CCDC122: variants seen among roughly 807,000 people sequenced by gnomAD.
CCDC122 encodes the protein coiled-coil domain-containing protein 122.
Under a neutral mutation model 37.0 loss-of-function variants are expected in CCDC122, and 38 were observed. The ratio of observed to expected loss-of-function variants is 1.03; its 90% CI spans 0.79 to 1.35. The LOEUF (loss-of-function observed/expected upper bound fraction) is 1.35, where lower values mean the gene tolerates loss of function less well. CCDC122 is among the 40% of genes most tolerant of loss of function. The pLI, the probability that CCDC122 is intolerant of heterozygous loss-of-function variation, is 0.00. For synonymous variants in CCDC122, 83 were observed against 95.6 expected (o/e 0.87, Z 0.77); for missense variants, 305 against 310.0 (o/e 0.98, Z 0.12).
chr13:43,863,907 G>A (rs916406453), intron 4 of CCDC122, among the ~76,000 whole-genome samples: 1 of 152,024 alleles, frequency 6.6e-6, no homozygotes, highest in Non-Finnish European at 1.5e-5. Context: ...TCATATTAAA[G>A]AAATCATTGC....
At chr13:43,834,861 G>A (rs1566938425), downstream of CCDC122, among the ~76,000 whole-genome samples, 2 of 151,948 alleles carry the variant, frequency 1.3e-5, no homozygotes, top group Non-Finnish European at 2.9e-5. Flanking sequence ...CACTGTTGGT[G>A]GGACTGTAAA....
intron 6 of CCDC122, among the ~76,000 whole-genome samples, chr13:43,841,696 G>C (rs1226920618): frequency 6.6e-6 from 1 of 152,044 alleles, no homozygotes; most frequent in Non-Finnish European, 1.5e-5. Flanking sequence ...TTGTGATTCT[G>C]TCTTTTCATT....
rs559982743 is a variant in CCDC122, at chr13:43,829,790, TAATA to T, written n.602-5783_602-5780del. Among the ~76,000 whole-genome samples, 405 of 152,370 alleles carry T rather than the reference TAATA, an allele frequency of 2.7e-3. 1 individual carries two copies. Among genetic ancestry groups the T allele is most frequent in the Admixed American group, 4.2e-3 (64 of 15,304 alleles). ...TTTTGGTCTGGTTGCATGAGACTTC[TAATA>T]AATCTGCCTAAAAAATTGTGTGACC... On this transcript the variant is annotated intron_variant and non_coding_transcript_variant, in intron 3 of 3. Coordinates refer to the CCDC122 transcript ENST00000470137.
intron 6 of CCDC122, among the ~76,000 whole-genome samples, chr13:43,838,724 C>T (rs188610480): frequency 3.0e-4 from 45 of 152,254 alleles, no homozygotes; most frequent in Non-Finnish European, 5.9e-4. Flanking sequence ...CAAGAGTTAG[C>T]TGGCTGGCTT....
chr13:43,835,771 T>A (rs1192176797), downstream of CCDC122, among the ~76,000 whole-genome samples: 1 of 152,244 alleles, frequency 6.6e-6, no homozygotes, highest in African/African-American at 2.4e-5. Context: ...ATATAATAAC[T>A]TTTTAATATG....
intron 3 of CCDC122, among the ~76,000 whole-genome samples, chr13:43,828,364 A>G (rs1052305781): frequency 1.3e-5 from 2 of 152,186 alleles, no homozygotes; most frequent in East Asian, 3.8e-4. Flanking sequence ...AGCCTAATGA[A>G]TGAGAATATC....
At chr13:43,843,877 A>G (rs190923607) in intron 6 of CCDC122, among the ~76,000 whole-genome samples, 3 of 151,772 alleles carry the variant, frequency 2.0e-5, no homozygotes, top group Admixed American at 6.6e-5. Flanking sequence ...AAAGTTATTC[A>G]TAATAGGCCT....
In CCDC122 at chr13:43,868,459, A is replaced by T. The variant is rs74336252; in HGVS notation, c.156+235T>A. ...GTAAAATAATTCTATCTAACATGTT[A>T]GGTTTTATATGCTTATCCTACAGTT... On this transcript the variant is annotated intron_variant, in intron 4 of 6. Coordinates refer to ENST00000444614, the MANE Select transcript of CCDC122 (RefSeq NM_144974.5). 2.8e-4 allele frequency among the ~76,000 whole-genome samples: 43 copies of T among 152,224 alleles called. No homozygotes were observed. The East Asian group carries it at 8.3e-3, about 29-fold the overall frequency.
intron 6 of CCDC122, among the ~76,000 whole-genome samples, chr13:43,846,945 A>C (rs1953558958): frequency 6.6e-6 from 1 of 152,246 alleles, no homozygotes; most frequent in South Asian, 2.1e-4. Context: ...ACTGAGAGAA[A>C]GTATTACGTA....
rs9567280 is a variant in CCDC122 at position 43,837,296 on chromosome 13, A to G, written c.806T>C (p.Ile269Thr). ...ATGGCAATGTTACTCTTGCATTCCAATGCATTTTCTTAATTCGGCTGCAGT... is the reference window on the plus strand; with the variant it reads ...ATGGCAATGTTACTCTTGCATTCCAGTGCATTTTCTTAATTCGGCTGCAGT... ...EKTAAELRKC[I>T]GMQE Residue 269 changes from isoleucine (I) to threonine (T), a missense_variant, in exon 7 of 7, where the codon ATT (isoleucine) becomes ACT (threonine). Physicochemically the swap from Ile to Thr is moderately conservative, Grantham distance 89. Coordinates refer to ENST00000444614, the MANE Select transcript of CCDC122 (RefSeq NM_144974.5). The G allele has an allele frequency of 0.045, 72,195 of 1,613,794 alleles. 2,057 individuals are homozygous for G. The highest frequency in any genetic ancestry group is 0.089 in the East Asian group (3,976 of 44,842).
At chr13:43,848,414 AAC>A (rs1953615934) in intron 6 of CCDC122, among the ~76,000 whole-genome samples, 1 of 152,046 alleles carries the variant, frequency 6.6e-6, no homozygotes, top group African/African-American at 2.4e-5. Flanking sequence ...ATTTGGAAAT[AAC>A]ACTTTTTTTT....
chr13:43,858,739 A>AT, intron 6 of CCDC122, 42 bp downstream of exon 6: 2 of 1,290,418 alleles, frequency 1.5e-6, no homozygotes, highest in Non-Finnish European at 2.1e-6. Flanking sequence ...AGTTTTAAAA[A>AT]TGGTCCCATA....
intron 1 of CCDC122, among the ~76,000 whole-genome samples, chr13:43,876,568 A>G (rs1010090690): frequency 5.9e-5 from 9 of 152,304 alleles, no homozygotes; most frequent in African/African-American, 2.2e-4. Context: ...ATAAGTGACT[A>G]ATTCCCATAT....
downstream of CCDC122, among the ~76,000 whole-genome samples, chr13:43,832,424 A>T (rs1421027107): frequency 6.6e-6 from 1 of 152,176 alleles, no homozygotes; most frequent in Admixed American, 6.5e-5. Context: ...TAAACAGTGA[A>T]TTCCATGTTC....
At chr13:43,830,178 G>A (rs979829477) in intron 3 of CCDC122, among the ~76,000 whole-genome samples, 1 of 151,970 alleles carries the variant, frequency 6.6e-6, no homozygotes, top group African/African-American at 2.4e-5. Flanking sequence ...GCCCAACCTG[G>A]CTTGCTTTTC....
intron 6 of CCDC122, among the ~76,000 whole-genome samples, chr13:43,844,503 G>A (rs1435301053): frequency 6.6e-6 from 1 of 151,756 alleles, no homozygotes; most frequent in Non-Finnish European, 1.5e-5. Flanking sequence ...ATGTTAATTA[G>A]GTTAAGTTGA....
intron 6 of CCDC122, among the ~76,000 whole-genome samples, chr13:43,843,319 C>G (rs949428696): frequency 1.3e-5 from 2 of 151,912 alleles, no homozygotes; most frequent in African/African-American, 2.4e-5. Flanking sequence ...TTGGTTATAT[C>G]TTTTTTACTT....
At chr13:43,823,432 C>G (rs528339848), downstream of CCDC122, among the ~76,000 whole-genome samples, 4 of 152,178 alleles carry the variant, frequency 2.6e-5, no homozygotes, top group Non-Finnish European at 5.9e-5. Context: ...TGCGAGCACT[C>G]CCTTGGCCTC....
intron 3 of CCDC122, among the ~76,000 whole-genome samples, chr13:43,830,976 C>T (rs1953083820): frequency 6.6e-6 from 1 of 152,084 alleles, no homozygotes; most frequent in Admixed American, 6.5e-5. Context: ...ATTACAGTGA[C>T]AGATTAATTG....
Sources: gnomAD v4.1 joint callset for allele counts (sites outside exome capture counted in the v4.1 genomes callset) on GRCh38, gnomAD v4.1.1 for gene constraint, MANE v1.5 for transcripts, NCBI Gene and HGNC (gene_info 2026-07-23, HGNC 2026-07-21) for gene names.